The following TRPM2 variants were observed in gnomAD, a reference collection of about 807,000 sequenced individuals.
TRPM2 encodes the protein transient receptor potential cation channel subfamily M member 2.
Under a neutral mutation model 174.0 loss-of-function variants are expected in TRPM2, and 161 were observed. The ratio of observed to expected loss-of-function variants is 0.93; its 90% CI spans 0.81 to 1.05. The LOEUF is 1.05. Ranked by LOEUF, TRPM2 falls within the 50% of genes least tolerant of loss-of-function variation. The pLI is 0.00. For missense variants in TRPM2, 2,057 were observed against 2,038.0 expected (o/e 1.01, Z -0.18); for synonymous variants, 954 against 861.3 (o/e 1.11, Z -1.88).
chr21:44,350,463 T>C (rs2047910858), upstream of TRPM2: 1 of 101,094 alleles, frequency 9.9e-6, no homozygotes, highest in Admixed American at 1.1e-4. Context: ...CGCGGCGGAA[T>C]GCAGGGGCGC....
intron 9 of TRPM2, among the ~76,000 whole-genome samples, chr21:44,389,753 G>C (rs997872763): frequency 6.6e-6 from 1 of 152,072 alleles, no homozygotes; most frequent in South Asian, 2.1e-4. Context: ...TCCAGTTTTC[G>C]ATTTGTAAGA....
upstream of TRPM2, among the ~76,000 whole-genome samples, chr21:44,351,094 C>T (rs937023000): frequency 6.6e-6 from 1 of 152,234 alleles, no homozygotes; most frequent in African/African-American, 2.4e-5. Flanking sequence ...GTGCCAGAGG[C>T]CCGCCCTGCC....
rs2048688741 is a variant in TRPM2 at position 44,376,008 on chromosome 21, G to A, written c.947G>A (p.Arg316Lys). The change falls in exon 6 of 32, where the codon AGA becomes AAA. Residue 316 changes from arginine to lysine, a missense_variant. Physicochemically the swap from Arg to Lys is conservative, Grantham distance 26. Coordinates refer to ENST00000397928, the MANE Select transcript of TRPM2 (RefSeq NM_003307.4). This position sits in a 1 kb window ranked among gnomAD's most constrained non-coding sequence, Gnocchi z 4.2. ...EKFISEQTKE[R>K]GGVAIKIPIV... is the part of the protein sequence containing the mutation. ...TTCATATCGGAGCAGACCAAGGAAA[G>A]AGGAGGTAGGGGAGCTTGCTTTCGA... 1.2e-6 allele frequency: 2 copies of A among 1,612,892 alleles called. No homozygotes were observed. The highest frequency in any genetic ancestry group is 1.7e-5 in the Admixed American group (1 of 59,966).
intron 8 of TRPM2, among the ~76,000 whole-genome samples, chr21:44,380,834 G>C (rs1030106882): frequency 2.0e-5 from 3 of 152,210 alleles, no homozygotes; most frequent in African/African-American, 7.2e-5. Context: ...TGTTAAGTAG[G>C]GGTACTGAGT....
chr21:44,362,348 C>CAAAAAAAAAAA lies in TRPM2; in HGVS notation c.255-1759_255-1749dup, dbSNP rs57031573. On this transcript the variant is annotated intron_variant, in intron 2 of 31. Transcript: ENST00000397928. ...TGAAACCCCGTCTCTACTAAAAATA[C>CAAAAAAAAAAA]AAAAAAAAAAAAAAAAAGCCAGATG... 8.3e-3 allele frequency among the ~76,000 whole-genome samples: 743 copies of CAAAAAAAAAAA among 89,134 alleles called. 18 individuals carry two copies. Among genetic ancestry groups the CAAAAAAAAAAA allele is most frequent in the Non-Finnish European group, 0.013 (561 of 43,464 alleles). 58.5% of individuals were successfully genotyped at this position (89,134 alleles called of 152,430 possible).
At chr21:44,416,120 C>G (rs2050269815) in intron 20 of TRPM2, 1 of 152,400 alleles carries the variant, frequency 6.6e-6, no homozygotes, top group African/African-American at 2.4e-5. Flanking sequence ...CCAGTCTCCC[C>G]ACGTTGCCCC....
chr21:44,407,345 T>A lies in TRPM2; in HGVS notation c.2962+580T>A, dbSNP rs188476628. Among the ~76,000 whole-genome samples, 438 of 149,142 alleles carry A rather than the reference T, an allele frequency of 2.9e-3. 3 individuals are homozygous for A. The highest frequency in any genetic ancestry group is 0.01 in the African/African-American group (408 of 40,396). On this transcript the variant is annotated intron_variant, in intron 19 of 31. Transcript: ENST00000397928. Reference sequence around the variant, plus strand: ...TTTCAGCATGTGGCCCAGGCTAGTATCGAACTCTTGAGCTCAAGTGATCCA... The same window carrying A: ...TTTCAGCATGTGGCCCAGGCTAGTAACGAACTCTTGAGCTCAAGTGATCCA...
chr21:44,381,048 G>A (rs1198913416), intron 8 of TRPM2, among the ~76,000 whole-genome samples: 1 of 152,098 alleles, frequency 6.6e-6, no homozygotes, highest in African/African-American at 2.4e-5. Flanking sequence ...GTTCGCCAGG[G>A]AGCTCAGGAT....
chr21:44,425,191 C>T (rs945682280), intron 24 of TRPM2: 20 of 526,704 alleles, frequency 3.8e-5, no homozygotes, highest in African/African-American at 2.3e-4. Flanking sequence ...CCTGCTGTGC[C>T]CTGAGCTCCC....
chr21:44,440,066 C>G (rs2051437720), intron 30 of TRPM2, among the ~76,000 whole-genome samples: 1 of 150,960 alleles, frequency 6.6e-6, no homozygotes, highest in Admixed American at 6.6e-5. Context: ...GCCGGGTGCG[C>G]TGGCTCACAC....
chr21:44,367,057 A>G lies in TRPM2; in HGVS notation c.604+123A>G. The G allele has an allele frequency of 8.2e-7, 1 of 1,219,150 alleles. No individual in the cohort carries two copies. Among genetic ancestry groups the G allele is most frequent in the Non-Finnish European group, 1.1e-6 (1 of 899,832 alleles). 75.5% of individuals were successfully genotyped at this position (1,219,150 alleles called of 1,614,324 possible). On this transcript the variant is annotated intron_variant, in intron 4 of 31. Coordinates refer to ENST00000397928, the MANE Select transcript of TRPM2 (RefSeq NM_003307.4). This position sits in a 1 kb window ranked among gnomAD's most constrained non-coding sequence, Gnocchi z 4.6. ...CTGGGAGCCGCCGAGGCTGTGCCCC[A>G]GCCTGAGTCGGACCCATGCACCTCT...
intron 27 of TRPM2, 23 bp from the exon 28 acceptor site, chr21:44,435,108 G>T: frequency 6.2e-7 from 1 of 1,608,324 alleles, no homozygotes; most frequent in Non-Finnish European, 8.5e-7. Context: ...ACGGTGGACT[G>T]ACTCAACCCC....
intron 16 of TRPM2, among the ~76,000 whole-genome samples, chr21:44,403,756 CAT>C (rs1477958125): frequency 2.0e-5 from 3 of 151,434 alleles, no homozygotes; most frequent in Non-Finnish European, 2.9e-5. Context: ...GATGCACACA[CAT>C]GCATACACAT....
At chr21:44,377,676 AG>A in intron 6 of TRPM2, 35 bp from the exon 7 acceptor site, 1 of 1,612,626 alleles carries the variant, frequency 6.2e-7, no homozygotes, top group Non-Finnish European at 8.5e-7. Context: ...TGCTTTGTTT[AG>A]GTGTGGCCCT....
At chr21:44,400,134 T>G in intron 14 of TRPM2, 125 bp from the exon 15 acceptor site, 1 of 738,262 alleles carries the variant, frequency 1.4e-6, no homozygotes, top group Non-Finnish European at 2.2e-6. Flanking sequence ...CTTCACCACT[T>G]TCTGCTGTGA....
chr21:44,403,847 C>T (rs577850291), intron 16 of TRPM2, among the ~76,000 whole-genome samples: 42 of 150,794 alleles, frequency 2.8e-4, no homozygotes, highest in Non-Finnish European at 4.6e-4. Flanking sequence ...ACACATTACA[C>T]GTGTGCATAC....
chr21:44,422,497 C>T lies in TRPM2; in HGVS notation c.3462-1148C>T, dbSNP rs1044838842. ...GAGATGCCCAGGCCTGGAGCGAAAT[C>T]ACTTTCTTCCCTCTCCCTAGATAAC... is the stretch of plus-strand genomic sequence containing the variant. On this transcript the variant is annotated intron_variant, in intron 22 of 31. Coordinates refer to ENST00000397928, the MANE Select transcript of TRPM2 (RefSeq NM_003307.4). The T allele has an allele frequency of 1.3e-5, 20 of 1,489,804 alleles. No individual in the cohort carries two copies. In the East Asian group the frequency reaches 4.4e-4, roughly 33 times the overall value. 92.3% of individuals were successfully genotyped at this position (1,489,804 alleles called of 1,614,324 possible). A position where few individuals can be genotyped will look rare whatever the true frequency, so the allele number is the denominator to read the frequency against.
intron 5 of TRPM2, among the ~76,000 whole-genome samples, chr21:44,371,511 T>A (rs1602150665): frequency 2.0e-5 from 3 of 147,206 alleles, no homozygotes; most frequent in African/African-American, 7.6e-5. Context: ...TCTGCCTCCG[T>A]GTCCCGTGGC....
At chr21:44,362,343 A>G in intron 2 of TRPM2, among the ~76,000 whole-genome samples, 1 of 135,124 alleles carries the variant, frequency 7.4e-6, no homozygotes, top group Admixed American at 7.3e-5. Flanking sequence ...TCTCTACTAA[A>G]AATACAAAAA....
Sources: gnomAD v4.1 joint callset for allele counts (sites outside exome capture counted in the v4.1 genomes callset) on GRCh38, gnomAD v4.1.1 for gene constraint, Gnocchi (gnomAD v3.1) non-coding constraint, MANE v1.5 for transcripts, NCBI Gene and HGNC (gene_info 2026-07-23, HGNC 2026-07-21) for gene names.